RARB: variants seen among roughly 807,000 people sequenced by gnomAD.
The protein encoded by RARB is retinoic acid receptor beta, also known as HBV-activated protein.
RARB carries 17 observed loss-of-function variants against 51.9 expected under a neutral mutation model. The ratio of observed to expected loss-of-function variants is 0.33; its 90% CI spans 0.22 to 0.49. RARB has a LOEUF of 0.49. Ranked by LOEUF, RARB falls within the 20% of genes least tolerant of loss-of-function variation. The probability of loss-of-function intolerance (pLI) is 0.99; values close to 1 mark genes in which losing one functional copy is unlikely to be tolerated. For missense variants in RARB, 369 were observed against 550.8 expected, an observed-to-expected ratio of 0.67 and a Z score of 3.30; for synonymous variants, 215 against 195.4, an observed-to-expected ratio of 1.10 and a Z score of -0.84.
intron 5 of RARB, among the ~76,000 whole-genome samples, chr3:25,415,494 TTTG>T (rs1707678969): frequency 6.6e-6 from 1 of 152,210 alleles, no homozygotes; most frequent in Non-Finnish European, 1.5e-5. Flanking sequence ...ATCCTTTATT[TTTG>T]TTGTTTTATT....
chr3:25,249,313 T>C (rs575521951), intron 5 of RARB, among the ~76,000 whole-genome samples: 53 of 152,154 alleles, frequency 3.5e-4, no homozygotes, highest in Non-Finnish European at 6.2e-4. Flanking sequence ...TCTTAATAAA[T>C]TTCTTACTTA....
At chr3:25,003,321 A>G (rs73143089) in intron 2 of RARB, among the ~76,000 whole-genome samples, 7,373 of 152,158 alleles carry the variant, frequency 0.048, 449 homozygotes, top group African/African-American at 0.14. Context: ...CTTGGCAGGG[A>G]GAGCTCAGCA....
At chr3:25,116,692 T>G (rs2125327453) in intron 3 of RARB, among the ~76,000 whole-genome samples, 1 of 152,188 alleles carries the variant, frequency 6.6e-6, no homozygotes, top group East Asian at 1.9e-4. Context: ...AAATGGTATC[T>G]TTGAATTACC....
chr3:24,853,348 T>C (rs1449264272), intron 1 of RARB, among the ~76,000 whole-genome samples: 2 of 152,122 alleles, frequency 1.3e-5, no homozygotes, highest in Non-Finnish European at 2.9e-5. Context: ...TAATGAACTG[T>C]ATCTTTATAG....
intron 5 of RARB, among the ~76,000 whole-genome samples, chr3:25,209,679 C>G (rs1383801505): frequency 6.6e-6 from 1 of 152,126 alleles, no homozygotes; most frequent in Non-Finnish European, 1.5e-5. Flanking sequence ...AGTTTTATGT[C>G]TCTCCTCCAT....
chr3:25,252,836 C>A (rs1702761896), intron 5 of RARB, among the ~76,000 whole-genome samples: 2 of 152,178 alleles, frequency 1.3e-5, no homozygotes, highest in Admixed American at 6.6e-5. Flanking sequence ...GAAAGCCCAA[C>A]ACACAAAGTG....
At chr3:24,949,159 C>G (rs1695835444) in intron 2 of RARB, among the ~76,000 whole-genome samples, 2 of 152,176 alleles carry the variant, frequency 1.3e-5, no homozygotes, top group African/African-American at 4.8e-5. Context: ...TTCCTACTCC[C>G]CGTCTTTTAG....
intron 2 of RARB, among the ~76,000 whole-genome samples, chr3:24,905,220 A>C (rs973661020): frequency 2.6e-5 from 4 of 152,204 alleles, no homozygotes; most frequent in Non-Finnish European, 5.9e-5. Flanking sequence ...TAGAGTGAAT[A>C]GCCATCTCTT....
chr3:25,209,375 A>G (rs9826795), intron 5 of RARB, among the ~76,000 whole-genome samples: 122,848 of 152,150 alleles, frequency 0.81, 49,778 homozygotes, highest in Admixed American at 0.85. Context: ...AAGACACTAC[A>G]GAGTTTATTC....
chr3:24,862,262 G>A (rs942196923), intron 2 of RARB, among the ~76,000 whole-genome samples: 4 of 152,200 alleles, frequency 2.6e-5, no homozygotes, highest in African/African-American at 9.6e-5. Context: ...CAGTCATCGA[G>A]TGTTGGAGTG....
intron 3 of RARB, among the ~76,000 whole-genome samples, chr3:25,097,755 C>T (rs1404953265): frequency 6.6e-6 from 1 of 152,180 alleles, no homozygotes; most frequent in African/African-American, 2.4e-5. Flanking sequence ...ACTGCCCTCA[C>T]CTCCTCATTA....
intron 2 of RARB, among the ~76,000 whole-genome samples, chr3:24,902,157 C>T (rs963083452): frequency 6.6e-6 from 1 of 152,136 alleles, no homozygotes; most frequent in African/African-American, 2.4e-5. Flanking sequence ...GGTTAAGTGG[C>T]TTGTCCACAT....
intron 2 of RARB, among the ~76,000 whole-genome samples, chr3:25,035,561 A>G (rs1423898655): frequency 6.6e-6 from 1 of 152,140 alleles, no homozygotes; most frequent in Non-Finnish European, 1.5e-5. Flanking sequence ...GGTACAGAAA[A>G]ATAGAATCTC....
chr3:25,011,021 AT>A (rs1209135643), intron 2 of RARB, among the ~76,000 whole-genome samples: 1 of 152,088 alleles, frequency 6.6e-6, no homozygotes, highest in African/African-American at 2.4e-5. Flanking sequence ...CCATGTTCAC[AT>A]TTTTAAATGG....
chr3:25,329,399 C>G (rs527954569), intron 5 of RARB, among the ~76,000 whole-genome samples: 3 of 152,268 alleles, frequency 2.0e-5, no homozygotes, highest in Non-Finnish European at 2.9e-5. Context: ...CAAAAAGGGT[C>G]TGGAATGGAC....
At chr3:24,877,963 A>G (rs146955462) in intron 2 of RARB, among the ~76,000 whole-genome samples, 18 of 152,322 alleles carry the variant, frequency 1.2e-4, no homozygotes, top group South Asian at 8.3e-4. Flanking sequence ...AGCTGAAAAG[A>G]CAAAATAGAC....
At chr3:25,378,975 A>G (rs1360320677) in intron 5 of RARB, among the ~76,000 whole-genome samples, 1 of 152,248 alleles carries the variant, frequency 6.6e-6, no homozygotes, top group Non-Finnish European at 1.5e-5. Flanking sequence ...GTGTGATGGC[A>G]TCTTCCCTAA....
chr3:25,271,187 TC>T (rs1265254995), intron 5 of RARB, among the ~76,000 whole-genome samples: 1 of 152,190 alleles, frequency 6.6e-6, no homozygotes, highest in African/African-American at 2.4e-5. Flanking sequence ...TTTTCTCCCC[TC>T]AATTTTTATT....
chr3:25,495,176 G>A (rs1696961310), intron 2 of RARB, among the ~76,000 whole-genome samples: 1 of 152,084 alleles, frequency 6.6e-6, no homozygotes, highest in Non-Finnish European at 1.5e-5. Context: ...GATAACATCT[G>A]AAAATTAGAA....
Sources: allele counts gnomAD v4.1 joint callset (sites outside exome capture counted in the v4.1 genomes callset), GRCh38; gene constraint gnomAD v4.1.1; transcripts MANE v1.5; gene names NCBI Gene and HGNC (gene_info 2026-07-23, HGNC 2026-07-21).